The following SRD5A1 variants were observed in gnomAD, a reference collection of about 807,000 sequenced individuals.
SRD5A1 encodes the protein steroid 5 alpha-reductase 1.
Under a neutral mutation model 28.2 loss-of-function variants are expected in SRD5A1, and 22 were observed. That is an observed-to-expected ratio of 0.78 (90% confidence interval 0.56 to 1.12). The LOEUF is 1.12. Ranked by LOEUF, SRD5A1 falls within the 50% of genes most tolerant of loss-of-function variation. SRD5A1 has a pLI of 0.00. For missense variants in SRD5A1, 300 were observed against 346.7 expected (o/e 0.87, Z 1.07); for synonymous variants, 151 against 135.0 (o/e 1.12, Z -0.82).
At chr5:6,650,149 T>A (rs1299897515) in intron 1 of SRD5A1, among the ~76,000 whole-genome samples, 1 of 152,126 alleles carries the variant, frequency 6.6e-6, no homozygotes, top group Non-Finnish European at 1.5e-5. Flanking sequence ...TGGTATAAGG[T>A]TGTTCATAAT....
At chr5:6,656,669 A>G (rs561697289) in intron 3 of SRD5A1, among the ~76,000 whole-genome samples, 2 of 152,268 alleles carry the variant, frequency 1.3e-5, no homozygotes, top group South Asian at 4.1e-4. Flanking sequence ...GCCGACCACC[A>G]TGCTGGTTTA....
intron 1 of SRD5A1, among the ~76,000 whole-genome samples, chr5:6,635,558 C>A (rs1560991736): frequency 1.3e-5 from 2 of 152,334 alleles, no homozygotes; most frequent in South Asian, 2.1e-4. Flanking sequence ...ATGGAACCCC[C>A]CTGTGGGATC....
chr5:6,652,616 A>G (rs1187815185), intron 2 of SRD5A1, among the ~76,000 whole-genome samples: 1 of 152,208 alleles, frequency 6.6e-6, no homozygotes, highest in Non-Finnish European at 1.5e-5. Flanking sequence ...CTCACACTGT[A>G]ATCCTAGCAC....
chr5:6,656,692 G>T (rs941632943), intron 3 of SRD5A1, among the ~76,000 whole-genome samples: 1 of 152,120 alleles, frequency 6.6e-6, no homozygotes, highest in African/African-American at 2.4e-5. Context: ...ACCCAGATTC[G>T]CACTACTTGT....
intron 3 of SRD5A1, among the ~76,000 whole-genome samples, chr5:6,661,621 C>T (rs963696808): frequency 2.0e-5 from 3 of 150,270 alleles, no homozygotes; most frequent in African/African-American, 7.4e-5. Flanking sequence ...CAACCTCTGC[C>T]TCCTGGGTTC....
chr5:6,659,233 C>T (rs1738922337), intron 3 of SRD5A1, among the ~76,000 whole-genome samples: 3 of 151,882 alleles, frequency 2.0e-5, no homozygotes, highest in African/African-American at 4.8e-5. Context: ...CTTGCCTCAG[C>T]CCCCCGAGTA....
chr5:6,667,663 G>A (rs1055774840), intron 4 of SRD5A1, among the ~76,000 whole-genome samples: 2 of 152,120 alleles, frequency 1.3e-5, no homozygotes, highest in Non-Finnish European at 2.9e-5. Context: ...TGTTTGTTTC[G>A]AGCACAAGGC....
chr5:6,633,686 T>C lies in SRD5A1; in HGVS notation c.110T>C (p.Val37Ala), dbSNP rs937804470. ...VFARNRQTNS[V>A]YGRHALPSHR... ...GCGCGCAATCGTCAGACGAACTCAG[T>C]GTACGGCCGCCACGCGCTGCCCAGC... Residue 37 changes from valine to alanine, a missense_variant, in exon 1 of 5, where the codon GTG becomes GCG. Around this residue, in one of 2 missense-constraint regions of SRD5A1, gnomAD observed 174 missense variants for 160.9 expected, o/e 1.08. Transcript: ENST00000274192. 7 of 1,586,850 alleles carry C rather than the reference T, an allele frequency of 4.4e-6. No homozygotes were observed. In the African/African-American group the frequency reaches 5.4e-5, roughly 12 times the overall value.
chr5:6,657,892 A>C (rs1207998164), intron 3 of SRD5A1, among the ~76,000 whole-genome samples: 2 of 152,256 alleles, frequency 1.3e-5, no homozygotes, highest in Admixed American at 1.3e-4. Flanking sequence ...TTCAAACCTG[A>C]ACAACAAAAA....
chr5:6,638,912 C>T lies in SRD5A1; in HGVS notation c.293+5043C>T, dbSNP rs144671825. Among the ~76,000 whole-genome samples the T allele has an allele frequency of 9.2e-4, 140 of 152,258 alleles. 1 individual carries two copies. Among genetic ancestry groups the T allele is most frequent in the African/African-American group, 3.2e-3 (135 of 41,556 alleles). On this transcript the variant is annotated intron_variant, in intron 1 of 4. Coordinates refer to ENST00000274192, the MANE Select transcript of SRD5A1 (RefSeq NM_001047.4). ...TGTTAGGGGAAAAAAGCAATAAAGT[C>T]GATCATTAAAATTAACCACTCTCAG...
At chr5:6,651,742 C>A in intron 1 of SRD5A1, 100 bp from the exon 2 acceptor site, 2 of 1,126,870 alleles carry the variant, frequency 1.8e-6, no homozygotes, top group Non-Finnish European at 2.5e-6. Flanking sequence ...GACATTTGTA[C>A]AAGAAAGTAA....
chr5:6,649,454 C>A lies in SRD5A1; in HGVS notation c.294-2388C>A, dbSNP rs544326057. Among the ~76,000 whole-genome samples, 26 of 152,282 alleles carry A rather than the reference C, an allele frequency of 1.7e-4. No individual in the cohort carries two copies. In the East Asian group the frequency reaches 5.0e-3, roughly 29 times the overall value. ...AGCCTCAGCAGTGGTGGATGCCCCT[C>A]CCCCCACCAAGCTCTAGCATCCCAG... On this transcript the variant is annotated intron_variant, in intron 1 of 4. Transcript: ENST00000274192.
At chr5:6,666,590 A>G (rs1294768707) in intron 4 of SRD5A1, among the ~76,000 whole-genome samples, 1 of 152,244 alleles carries the variant, frequency 6.6e-6, no homozygotes. Flanking sequence ...GTTGCTAACA[A>G]ATATTCTCTT....
chr5:6,669,615 A>G lies in SRD5A1; in HGVS notation c.*1347A>G, dbSNP rs1739305069. ...TGTTACATCGAAACATTCTTTCATC[A>G]TATTTCCTGTTTTTATTTGGTTTTT... is the stretch of plus-strand genomic sequence containing the variant. On this transcript the variant is annotated 3_prime_UTR_variant, in exon 5 of 5. Coordinates refer to ENST00000274192, the MANE Select transcript of SRD5A1 (RefSeq NM_001047.4). 1 of 152,162 alleles carries G rather than the reference A, an allele frequency of 6.6e-6. No individual in the cohort carries two copies. The highest frequency in any genetic ancestry group is 2.1e-4 in the South Asian group (1 of 4,832). 9.4% of individuals were successfully genotyped at this position (152,162 alleles called of 1,614,324 possible).
intron 1 of SRD5A1, among the ~76,000 whole-genome samples, chr5:6,639,247 G>A (rs557240338): frequency 3.3e-5 from 5 of 152,152 alleles, no homozygotes; most frequent in Non-Finnish European, 5.9e-5. Flanking sequence ...TACTTTAAAC[G>A]CTTTAAAGAA....
rs184857763 is a variant in SRD5A1 at position 6,650,366 on chromosome 5, G to A, written c.294-1476G>A. The stretch of plus-strand genomic sequence containing the variant: ...GTTGAGGCTGCAGTGAGCCATGATT[G>A]CCCCACTGCACTCTAGCCTGAGTGA... On this transcript the variant is annotated intron_variant, in intron 1 of 4. Coordinates refer to ENST00000274192, the MANE Select transcript of SRD5A1 (RefSeq NM_001047.4). 6.6e-4 allele frequency among the ~76,000 whole-genome samples: 98 copies of A among 149,474 alleles called. 3 individuals carry two copies. The South Asian group carries it at 0.017, about 25-fold the overall frequency.
Position 6,662,838 on chromosome 5 carries a change from T to C in SRD5A1, c.585T>C (p.Thr195=). The C allele has an allele frequency of 1.2e-6, 2 of 1,612,578 alleles. No homozygotes were observed. Among genetic ancestry groups the C allele is most frequent in the Non-Finnish European group, 1.7e-6 (2 of 1,180,010 alleles). The change falls in exon 4 of 5, where the codon ACT becomes ACC. Residue 195 remains threonine (T), a synonymous_variant. Transcript: ENST00000274192. ...TAGGAGGCTTATTTGAATACGTAACTGCAGCCAACTATTTTGGAGAAATCA... is the reference window on the plus strand; with the variant it reads ...TAGGAGGCTTATTTGAATACGTAACCGCAGCCAACTATTTTGGAGAAATCA... ...IPRGGLFEYV[T]AANYFGEIME...
chr5:6,665,212 G>C (rs993688912), intron 4 of SRD5A1, among the ~76,000 whole-genome samples: 1 of 152,212 alleles, frequency 6.6e-6, no homozygotes, highest in Non-Finnish European at 1.5e-5. Flanking sequence ...CACCAGAGCT[G>C]GGGGAAATGG....
In SRD5A1 at chr5:6,638,830, A is replaced by G. The variant is rs187788197; in HGVS notation, c.293+4961A>G. Among the ~76,000 whole-genome samples, 954 of 152,370 alleles carry G rather than the reference A, an allele frequency of 6.3e-3. 1 individual carries two copies. The highest frequency in any genetic ancestry group is 8.7e-3 in the Non-Finnish European group (589 of 68,030). ...AAAGTCTTTTACAGAAGGAAAGGCT[A>G]GGTGAAAGGAACAGACCCAAATCTA... On this transcript the variant is annotated intron_variant, in intron 1 of 4. Transcript: ENST00000274192.
Sources: gnomAD v4.1 joint callset for allele counts (sites outside exome capture counted in the v4.1 genomes callset) on GRCh38, gnomAD v4.1.1 for gene constraint, gnomAD v4.1.1 regional missense constraint, MANE v1.5 for transcripts, NCBI Gene and HGNC (gene_info 2026-07-23, HGNC 2026-07-21) for gene names.